Variants in SPATA21 observed in about 807,000 individuals in gnomAD.
SPATA21 encodes the protein spermatogenesis associated 21.
In SPATA21, 47 loss-of-function variants were observed where a neutral mutation model predicts 54.8. That is an observed-to-expected ratio of 0.86 (90% CI 0.68 to 1.09). SPATA21 has a LOEUF of 1.09. Ranked by LOEUF, SPATA21 falls within the 50% of genes least tolerant of loss-of-function variation. SPATA21 has a pLI of 0.00. For synonymous variants in SPATA21, 245 were observed against 235.3 expected, an observed-to-expected ratio of 1.04 and a Z score of -0.38; for missense variants, 599 against 596.4, an observed-to-expected ratio of 1.00 and a Z score of -0.05.
intron 7 of SPATA21, among the ~76,000 whole-genome samples, chr1:16,407,951 A>G (rs921089461): frequency 5.3e-5 from 8 of 151,656 alleles, no homozygotes; most frequent in Non-Finnish European, 8.8e-5. Flanking sequence ...GTTTTTGTAG[A>G]TGTGGGGGTC....
At chr1:16,407,086 A>G (rs575121844) in intron 7 of SPATA21, among the ~76,000 whole-genome samples, 36 of 152,330 alleles carry the variant, frequency 2.4e-4, no homozygotes, top group African/African-American at 7.9e-4. Context: ...GAAGTATTCT[A>G]TGAACTCAGT....
chr1:16,424,240 G>C (rs1177227563), intron 3 of SPATA21, among the ~76,000 whole-genome samples: 5 of 121,044 alleles, frequency 4.1e-5, no homozygotes, highest in African/African-American at 6.5e-5. Context: ...ATGAACCTGG[G>C]AGGCAGAGCT....
downstream of SPATA21, among the ~76,000 whole-genome samples, chr1:16,398,392 G>A (rs962965026): frequency 2.0e-5 from 3 of 152,188 alleles, no homozygotes; most frequent in African/African-American, 7.2e-5. Flanking sequence ...CACAGGGCCT[G>A]TCTTAGAGCC....
intron 5 of SPATA21, among the ~76,000 whole-genome samples, chr1:16,418,260 C>G (rs2086070858): frequency 6.6e-6 from 1 of 152,116 alleles, no homozygotes. Context: ...TCTTATTTCT[C>G]TCTCTCTTTT....
At chr1:16,403,483 C>CTTTTTCTTTTTTTT (rs2085517813) in intron 10 of SPATA21, among the ~76,000 whole-genome samples, 1 of 117,118 alleles carries the variant, frequency 8.5e-6, no homozygotes, top group African/African-American at 2.9e-5. Flanking sequence ...TAGTTTTTTT[C>CTTTTTCTTTTTTTT]TTTTTTTTCT....
intron 11 of SPATA21, among the ~76,000 whole-genome samples, chr1:16,400,026 A>AT (rs1406382969): frequency 6.6e-6 from 1 of 150,582 alleles, no homozygotes; most frequent in Non-Finnish European, 1.5e-5. Flanking sequence ...TATCAGTTTC[A>AT]TTTTTGTTTT....
At chr1:16,418,918 A>G (rs376649425) in intron 5 of SPATA21, among the ~76,000 whole-genome samples, 2 of 152,084 alleles carry the variant, frequency 1.3e-5, no homozygotes, top group African/African-American at 4.8e-5. Flanking sequence ...CATTTATTCA[A>G]CACATTCCTG....
intron 12 of SPATA21, among the ~76,000 whole-genome samples, 187 bp downstream of exon 12, chr1:16,399,157 A>G (rs2085365715): frequency 6.6e-6 from 1 of 152,218 alleles, no homozygotes; most frequent in South Asian, 2.1e-4. Context: ...CAGTGGAACA[A>G]TCTGCTGGGT....
chr1:16,429,839 T>C (rs1264845802), intron 3 of SPATA21, among the ~76,000 whole-genome samples: 1 of 151,418 alleles, frequency 6.6e-6, no homozygotes, highest in African/African-American at 2.4e-5. Flanking sequence ...GGGTCTTCTT[T>C]ATGCTCTTCA....
In SPATA21 at chr1:16,421,577, C is replaced by T. The variant is rs1197970176; in HGVS notation, c.96-20G>A. The stretch of plus-strand genomic sequence containing the variant: ...TCACCCCTGAATAGAAGAGAAACCC[C>T]CAGGTGGGGGAAGCGCTCAGCTGAA... On this transcript the variant is annotated intron_variant, in intron 4 of 12. Transcript: ENST00000335496. The surrounding 1 kb of genome is among the most constrained non-coding windows in gnomAD (Gnocchi z 5.2). The T allele has an allele frequency of 1.2e-6, 2 of 1,611,064 alleles. No homozygotes were observed. Among genetic ancestry groups the T allele is most frequent in the Non-Finnish European group, 1.7e-6 (2 of 1,178,900 alleles).
At chr1:16,408,909 C>CT (rs71003282) in intron 7 of SPATA21, among the ~76,000 whole-genome samples, 3 of 47,294 alleles carry the variant, frequency 6.3e-5, no homozygotes, top group Non-Finnish European at 1.4e-4. Flanking sequence ...TGAGTTCTGG[C>CT]CCCCCCAACC....
rs1185994632 is a variant in SPATA21 at position 16,426,577 on chromosome 1, ATATT to A, written c.35-4610_35-4607del. Among the ~76,000 whole-genome samples the A allele has an allele frequency of 2.7e-4, 30 of 111,106 alleles. 1 individual carries two copies. In the South Asian group the frequency reaches 3.3e-3, roughly 12 times the overall value. 72.9% of individuals were successfully genotyped at this position (111,106 alleles called of 152,430 possible). On this transcript the variant is annotated intron_variant, in intron 3 of 12. Coordinates refer to ENST00000335496, the MANE Select transcript of SPATA21 (RefSeq NM_198546.1). Reference sequence around the variant, plus strand: ...CCCGGCTATATATATATATATATATATATTTTTTTTTTTTTTTTTTGAGACAGAA... The same window carrying A: ...CCCGGCTATATATATATATATATATATTTTTTTTTTTTTTTTGAGACAGAA...
At chr1:16,414,346 G>C (rs1192213329) in intron 5 of SPATA21, among the ~76,000 whole-genome samples, 1 of 152,082 alleles carries the variant, frequency 6.6e-6, no homozygotes, top group Non-Finnish European at 1.5e-5. Flanking sequence ...TGGGATTACA[G>C]GCGTGAGCCA....
At chr1:16,426,419 T>G (rs1423265539) in intron 3 of SPATA21, among the ~76,000 whole-genome samples, 2 of 138,308 alleles carry the variant, frequency 1.4e-5, no homozygotes, top group African/African-American at 5.4e-5. Flanking sequence ...CCACCATGCC[T>G]GGCCAATCTT....
intron 1 of SPATA21, among the ~76,000 whole-genome samples, chr1:16,436,242 C>T (rs1443119401): frequency 2.6e-5 from 4 of 151,986 alleles, no homozygotes; most frequent in African/African-American, 4.8e-5. Flanking sequence ...CAGAATTAGC[C>T]GGGCATGGTG....
chr1:16,409,836 T>C lies in SPATA21; in HGVS notation c.352A>G (p.Thr118Ala), dbSNP rs754205960. Residue 118 changes from threonine (T) to alanine (A), a missense_variant, in exon 6 of 13, where the codon ACC (threonine) becomes GCC (alanine). Physicochemically the swap from Thr to Ala is moderately conservative, Grantham distance 58. Transcript: ENST00000335496. The surrounding 1 kb of genome is among the most constrained non-coding windows in gnomAD (Gnocchi z 4.1). The part of the protein sequence containing the change: ...QTAQKSPRTL[T>A]PVPTSAPSLP... ...CTTGGAGCTGAGGTGGGCACCGGGG[T>C]CAGGGTCCTGGGCGACTTCTGGGCT... is the stretch of plus-strand genomic sequence containing the variant. 6.2e-7 allele frequency: 1 copy of C among 1,600,704 alleles called. No homozygotes were observed. The highest frequency in any genetic ancestry group is 1.1e-5 in the South Asian group (1 of 88,898).
At chr1:16,435,621 C>G (rs549978559) in intron 1 of SPATA21, among the ~76,000 whole-genome samples, 13 of 150,534 alleles carry the variant, frequency 8.6e-5, no homozygotes, top group South Asian at 2.1e-4. Flanking sequence ...CCGGCCCCCC[C>G]CTTTTTTTTT....
intron 5 of SPATA21, among the ~76,000 whole-genome samples, chr1:16,419,797 G>A (rs778688124): frequency 1.3e-5 from 2 of 152,082 alleles, no homozygotes; most frequent in Non-Finnish European, 2.9e-5. Flanking sequence ...AAAATTAACC[G>A]GGTGAGGTGG....
intron 10 of SPATA21, among the ~76,000 whole-genome samples, chr1:16,402,249 C>T (rs370772548): frequency 0.02 from 1,111 of 55,782 alleles, 9 homozygotes; most frequent in Admixed American, 0.037. Flanking sequence ...AGCTGCCATT[C>T]TTTTTTTTTT....
Sources: allele counts gnomAD v4.1 joint callset (sites outside exome capture counted in the v4.1 genomes callset), GRCh38; gene constraint gnomAD v4.1.1; non-coding constraint Gnocchi (gnomAD v3.1); transcripts MANE v1.5; gene names NCBI Gene and HGNC (gene_info 2026-07-23, HGNC 2026-07-21).